ENTREP2: variants seen among roughly 807,000 people sequenced by gnomAD.
ENTREP2 encodes the protein endosomal transmembrane epsin interactor 2.
the ENTREP2 span, among the ~76,000 whole-genome samples, chr15:29,399,621 C>T: frequency 6.6e-6 from 1 of 152,100 alleles, no homozygotes; most frequent in South Asian, 2.1e-4. Flanking sequence ...TTAGGGGCAC[C>T]AACCTCCTGT....
At chr15:29,235,965 A>AC in the ENTREP2 span, among the ~76,000 whole-genome samples, 1 of 135,444 alleles carries the variant, frequency 7.4e-6, no homozygotes, top group African/African-American at 2.7e-5. Flanking sequence ...TCCATCTCAA[A>AC]AAAAACAAAA....
the ENTREP2 span, chr15:29,195,331 C>A: frequency 2.0e-6 from 2 of 985,138 alleles, no homozygotes; most frequent in African/African-American, 3.5e-5. Flanking sequence ...GGAGACCACC[C>A]ATGGAGGACT....
the ENTREP2 span, among the ~76,000 whole-genome samples, chr15:29,617,396 C>T: frequency 6.6e-6 from 1 of 152,184 alleles, no homozygotes; most frequent in Non-Finnish European, 1.5e-5. Context: ...TGCCCACCCA[C>T]ATTGGTGAGG....
the ENTREP2 span, among the ~76,000 whole-genome samples, chr15:29,616,509 G>C: frequency 6.6e-6 from 1 of 152,086 alleles, no homozygotes. Flanking sequence ...TTTTAAATTT[G>C]CTTCACAAAA....
chr15:29,159,771 T>C, the ENTREP2 span, among the ~76,000 whole-genome samples: 1 of 152,196 alleles, frequency 6.6e-6, no homozygotes, highest in South Asian at 2.1e-4. Flanking sequence ...TTACAAACCT[T>C]GAGCTAGACA....
the ENTREP2 span, chr15:29,233,998 A>T: frequency 1.3e-6 from 2 of 1,495,478 alleles, no homozygotes; most frequent in Admixed American, 1.7e-5. Flanking sequence ...GAAGAGTTGA[A>T]ATATCTGATT....
At chr15:29,195,586 A>G in the ENTREP2 span, among the ~76,000 whole-genome samples, 1 of 152,120 alleles carries the variant, frequency 6.6e-6, no homozygotes, top group African/African-American at 2.4e-5. Context: ...GTGCAGTGGC[A>G]CAATCTCGGC....
chr15:29,379,143 C>G, the ENTREP2 span, among the ~76,000 whole-genome samples: 1 of 152,224 alleles, frequency 6.6e-6, no homozygotes, highest in East Asian at 1.9e-4. Context: ...GCCACAGGTT[C>G]CTAGATGGGC....
the ENTREP2 span, among the ~76,000 whole-genome samples, chr15:29,442,538 C>T: frequency 2.0e-5 from 3 of 152,198 alleles, no homozygotes; most frequent in Non-Finnish European, 2.9e-5. Context: ...CAGTTCTGTT[C>T]TGCAACTTGT....
At chr15:29,196,294 A>G in the ENTREP2 span, 1 of 883,696 alleles carries the variant, frequency 1.1e-6, no homozygotes, top group Non-Finnish European at 1.7e-6. Context: ...TGTTCTCTGG[A>G]AAGATATTCC....
At chr15:29,299,086 G>A in the ENTREP2 span, among the ~76,000 whole-genome samples, 1 of 152,190 alleles carries the variant, frequency 6.6e-6, no homozygotes, top group South Asian at 2.1e-4. Flanking sequence ...GATCCAGGAA[G>A]CTTGGTCTAT....
the ENTREP2 span, among the ~76,000 whole-genome samples, chr15:29,129,479 TTTTC>T: frequency 6.6e-6 from 1 of 152,168 alleles, no homozygotes; most frequent in Non-Finnish European, 1.5e-5. Context: ...TTTCTTTTTC[TTTTC>T]TTTATTTATA....
chr15:29,602,271 C>T, the ENTREP2 span, among the ~76,000 whole-genome samples: 2 of 152,078 alleles, frequency 1.3e-5, no homozygotes, highest in African/African-American at 4.8e-5. Flanking sequence ...AAAAAATACT[C>T]GATAAATATT....
the ENTREP2 span, among the ~76,000 whole-genome samples, chr15:29,285,841 T>A: frequency 6.6e-6 from 1 of 152,160 alleles, no homozygotes; most frequent in African/African-American, 2.4e-5. Flanking sequence ...AATCAAGAGA[T>A]TCAGCTTGAG....
chr15:29,350,324 C>G, the ENTREP2 span, among the ~76,000 whole-genome samples: 2 of 151,970 alleles, frequency 1.3e-5, no homozygotes, highest in Non-Finnish European at 2.9e-5. Context: ...TCTGAAATCT[C>G]TTGTTTATAT....
At chr15:29,646,279 C>G in the ENTREP2 span, among the ~76,000 whole-genome samples, 1 of 152,180 alleles carries the variant, frequency 6.6e-6, no homozygotes, top group Non-Finnish European at 1.5e-5. Context: ...CTTCTCTGCT[C>G]AAGGTCTCAC....
At chr15:29,455,631 A>G in the ENTREP2 span, among the ~76,000 whole-genome samples, 2 of 152,168 alleles carry the variant, frequency 1.3e-5, no homozygotes, top group Non-Finnish European at 2.9e-5. Context: ...GTTTTCACAT[A>G]TTAGAATCCA....
At chr15:29,394,882 C>CTTTTTTTTTTTTTTTTTTTTT in the ENTREP2 span, among the ~76,000 whole-genome samples, 1 of 95,892 alleles carries the variant, frequency 1.0e-5, no homozygotes, top group African/African-American at 5.3e-5. Flanking sequence ...GTCAGAATCT[C>CTTTTTTTTTTTTTTTTTTTTT]TTTTTTTTTT....
chr15:29,325,912 A>G, the ENTREP2 span, among the ~76,000 whole-genome samples: 1 of 152,324 alleles, frequency 6.6e-6, no homozygotes, highest in East Asian at 1.9e-4. Flanking sequence ...GATTTATTAT[A>G]AGTATGCAAG....
Sources: gnomAD v4.1 joint callset for allele counts (sites outside exome capture counted in the v4.1 genomes callset) on GRCh38, gnomAD v4.1.1 for gene constraint, MANE v1.5 for transcripts, NCBI Gene and HGNC (gene_info 2026-07-23, HGNC 2026-07-21) for gene names.